ABCC2: variants seen among roughly 807,000 people sequenced by gnomAD.
ABCC2 encodes the protein ATP binding cassette subfamily C member 2.
A neutral mutation model predicts 173.4 loss-of-function variants in ABCC2; 157 were observed. The ratio of observed to expected loss-of-function variants is 0.91; its 90% CI spans 0.80 to 1.03. ABCC2 has a LOEUF of 1.03. Ranked by LOEUF, ABCC2 falls within the 50% of genes least tolerant of loss-of-function variation. The pLI is 0.00. For synonymous variants in ABCC2, 657 were observed against 693.5 expected (o/e 0.95, Z 0.83); for missense variants, 1,822 against 1,852.3 (o/e 0.98, Z 0.30).
intron 7 of ABCC2, chr10:99,797,694 TGGGCACTAAAAG>T (rs2037942507): frequency 1.1e-5 from 3 of 277,658 alleles, no homozygotes; most frequent in Non-Finnish European, 2.1e-5. Flanking sequence ...GTGACCATTC[TGGGCACTAAAAG>T]ATTGCTCATC....
chr10:99,804,691 G>A (rs1055766786), intron 10 of ABCC2, among the ~76,000 whole-genome samples: 2 of 152,188 alleles, frequency 1.3e-5, no homozygotes, highest in Non-Finnish European at 2.9e-5. Flanking sequence ...CACCAGGTGG[G>A]AGGGCTCCGT....
At chr10:99,785,586 G>A (rs537076972) in intron 2 of ABCC2, among the ~76,000 whole-genome samples, 22 of 151,698 alleles carry the variant, frequency 1.5e-4, no homozygotes, top group South Asian at 1.2e-3. Context: ...GCACTATCTC[G>A]GCTCACTGCA....
intron 29 of ABCC2, among the ~76,000 whole-genome samples, chr10:99,846,676 C>T (rs2039021539): frequency 2.0e-5 from 3 of 152,194 alleles, no homozygotes; most frequent in Non-Finnish European, 4.4e-5. Flanking sequence ...GATGTCAAGG[C>T]TGCAGTGAGC....
intron 10 of ABCC2, 112 bp from the exon 11 acceptor site, chr10:99,805,270 G>T: frequency 1.1e-6 from 1 of 919,722 alleles, no homozygotes; most frequent in South Asian, 1.4e-5. Context: ...GGCACCTCAA[G>T]TTCTTACTAA....
intron 1 of ABCC2, 70 bp from the exon 2 acceptor site, chr10:99,784,538 G>A (rs2037671922): frequency 1.3e-6 from 2 of 1,481,572 alleles, no homozygotes; most frequent in South Asian, 1.1e-5. Context: ...AAAGCAGTGG[G>A]ATGTGCTGCA....
chr10:99,794,044 G>A (rs2037854097), intron 5 of ABCC2, 45 bp downstream of exon 5: 1 of 1,514,406 alleles, frequency 6.6e-7, no homozygotes, highest in Non-Finnish European at 9.1e-7. Context: ...TTAATTGGAT[G>A]ATATCTTAAT....
chr10:99,846,285 C>T (rs1460178279), intron 29 of ABCC2, among the ~76,000 whole-genome samples: 8 of 152,230 alleles, frequency 5.3e-5, no homozygotes, highest in Non-Finnish European at 8.8e-5. Flanking sequence ...CTCTCCGTTC[C>T]CCGCAGCGGC....
At chr10:99,797,519 CT>C in intron 7 of ABCC2, 188 bp downstream of exon 7, 14 of 613,042 alleles carry the variant, frequency 2.3e-5, no homozygotes, top group South Asian at 2.1e-4. Flanking sequence ...ATGTACTGTT[CT>C]CTTTCCTTTG....
chr10:99,849,211 CAA>C (rs1284679374), intron 30 of ABCC2, among the ~76,000 whole-genome samples: 2 of 152,164 alleles, frequency 1.3e-5, no homozygotes, highest in African/African-American at 4.8e-5. Flanking sequence ...GCCTGGGAGA[CAA>C]GAGCGAAACT....
At position 99,810,162 on chromosome 10, in the gene ABCC2, A is replaced by T; in HGVS notation, c.1844A>T (p.Lys615Met). The T allele has an allele frequency of 2.5e-6, 4 of 1,613,622 alleles. No homozygotes were observed. The highest frequency in any genetic ancestry group is 3.4e-6 in the Non-Finnish European group (4 of 1,179,600). The change falls in exon 14 of 32, where the codon AAG becomes ATG. Residue 615 changes from lysine (K) to methionine (M), a missense_variant. Physicochemically the swap from Lys to Met is moderately conservative, Grantham distance 95 (BLOSUM62 -1). Coordinates refer to ENST00000647814, the MANE Select transcript of ABCC2 (RefSeq NM_000392.5). ...AGTGTTTCCACAGAGCGGCTAGAGA[A>T]GTACTTGGGAGGGGATGACTTGGAC... Reference protein sequence around the residue: ...QASVSTERLEKYLGGDDLDTS... With the variant: ...QASVSTERLEMYLGGDDLDTS...
rs886664486 is a variant in ABCC2, at chr10:99,811,556, G to A, written c.1921G>A (p.Glu641Lys). The change falls in exon 15 of 32, where the codon GAG becomes AAG. Residue 641 changes from glutamate to lysine, a missense_variant. Coordinates refer to ENST00000647814, the MANE Select transcript of ABCC2 (RefSeq NM_000392.5). ...AACAGACAAAGCCATGCAGTTTTCT[G>A]AGGCCTCCTTTACCTGGGAACATGA... ...CNFDKAMQFSEASFTWEHDSE... is the reference protein window; with the variant it reads ...CNFDKAMQFSKASFTWEHDSE... 6.2e-7 allele frequency: 1 copy of A among 1,614,100 alleles called. No individual in the cohort carries two copies. Among genetic ancestry groups the A allele is most frequent in the Admixed American group, 1.7e-5 (1 of 60,016 alleles).
intron 25 of ABCC2, among the ~76,000 whole-genome samples, chr10:99,840,804 T>A (rs1395492412): frequency 1.8e-5 from 2 of 111,234 alleles, no homozygotes; most frequent in Admixed American, 1.9e-4. Flanking sequence ...TGTGAGCCAC[T>A]GCGCCCAGCC....
chr10:99,844,364 A>G lies in ABCC2; in HGVS notation c.3886A>G (p.Ser1296Gly). Residue 1296 changes from serine to glycine, a missense_variant, in exon 28 of 32, where the codon AGC becomes GGC. Coordinates refer to ENST00000647814, the MANE Select transcript of ABCC2 (RefSeq NM_000392.5). ...TAAGAGGCCTCCGCCAGATTGGCCC[A>G]GCAAAGGCAAGATCCAGTTTAACAA... ...TDKRPPPDWP[S>G]KGKIQFNNYQ... The G allele has an allele frequency of 6.2e-7, 1 of 1,614,240 alleles. No homozygotes were observed. Among genetic ancestry groups the G allele is most frequent in the Non-Finnish European group, 8.5e-7 (1 of 1,180,040 alleles).
Position 99,851,837 on chromosome 10 carries a change from G to T in ABCC2, c.*206G>T, listed in dbSNP as rs1400739370. 3 of 475,060 alleles carry T rather than the reference G, an allele frequency of 6.3e-6. No homozygotes were observed. The highest frequency in any genetic ancestry group is 1.1e-5 in the Non-Finnish European group (3 of 276,202). 29.4% of individuals were successfully genotyped at this position (475,060 alleles called of 1,614,324 possible). On this transcript the variant is annotated 3_prime_UTR_variant, in exon 32 of 32. Transcript: ENST00000647814. ...AACCCCTCGATTGTCTACCTCGATC[G>T]TACTTCCTTGCTACCCACCCCTCCC...
intron 25 of ABCC2, among the ~76,000 whole-genome samples, chr10:99,839,089 G>GGGGGGC (rs1564698791): frequency 5.1e-5 from 7 of 137,382 alleles, no homozygotes; most frequent in East Asian, 4.7e-4. Flanking sequence ...CAGGGGGGCA[G>GGGGGGC]ACCCCCCCCC....
At position 99,851,838 on chromosome 10, in the gene ABCC2, T is replaced by C. The variant is rs975238660; in HGVS notation, c.*207T>C. On this transcript the variant is annotated 3_prime_UTR_variant, in exon 32 of 32. Coordinates refer to ENST00000647814, the MANE Select transcript of ABCC2 (RefSeq NM_000392.5). ...ACCCCTCGATTGTCTACCTCGATCGTACTTCCTTGCTACCCACCCCTCCCA... is the reference window on the plus strand; with the variant it reads ...ACCCCTCGATTGTCTACCTCGATCGCACTTCCTTGCTACCCACCCCTCCCA... The C allele has an allele frequency of 4.2e-6, 2 of 477,620 alleles. No homozygotes were observed. Among genetic ancestry groups the C allele is most frequent in the African/African-American group, 3.9e-5 (2 of 51,046 alleles). 29.6% of individuals were successfully genotyped at this position (477,620 alleles called of 1,614,324 possible).
intron 2 of ABCC2, among the ~76,000 whole-genome samples, chr10:99,791,132 G>A (rs1183426479): frequency 6.6e-6 from 1 of 152,192 alleles, no homozygotes; most frequent in Non-Finnish European, 1.5e-5. Context: ...CTGGGGCTGA[G>A]TGTGGTGGCT....
intron 23 of ABCC2, among the ~76,000 whole-genome samples, chr10:99,833,199 A>G (rs903388358): frequency 1.3e-5 from 2 of 152,224 alleles, no homozygotes; most frequent in African/African-American, 4.8e-5. Context: ...AGTGGGCATG[A>G]TGTCACTAGA....
intron 19 of ABCC2, among the ~76,000 whole-genome samples, chr10:99,827,079 G>A (rs1263334769): frequency 3.3e-5 from 5 of 151,500 alleles, no homozygotes; most frequent in African/African-American, 9.7e-5. Flanking sequence ...CCTAGTGGGC[G>A]GCTGAGGGTA....
Sources: allele counts gnomAD v4.1 joint callset (sites outside exome capture counted in the v4.1 genomes callset), GRCh38; gene constraint gnomAD v4.1.1; transcripts MANE v1.5; gene names NCBI Gene and HGNC (gene_info 2026-07-23, HGNC 2026-07-21).